The following CD80 variants were observed in gnomAD, a reference collection of about 807,000 sequenced individuals.
CD80 encodes CD80 molecule, also known as T-lymphocyte activation antigen CD80.
CD80 carries 13 observed loss-of-function variants against 27.1 expected under a neutral mutation model. The observed-to-expected ratio is 0.48, with a 90% CI of 0.31 to 0.76. CD80 has a LOEUF of 0.76. Ranked by LOEUF, CD80 falls within the 30% of genes least tolerant of loss-of-function variation. The probability of loss-of-function intolerance (pLI) is 0.04; values close to 1 mark genes in which losing one functional copy is unlikely to be tolerated. For missense variants in CD80, 277 were observed against 347.9 expected (o/e 0.80, Z 1.62); for synonymous variants, 125 against 125.5 (o/e 1.00, Z 0.03).
chr3:119,529,985 C>G, intron 4 of CD80, 48 bp from the exon 5 acceptor site: 1 of 1,316,954 alleles, frequency 7.6e-7, no homozygotes. Context: ...TTCCTACTGC[C>G]TGATACTCAT....
In CD80 at chr3:119,527,860, C is replaced by G. The variant is rs772805829; in HGVS notation, c.797-19G>C. On this transcript the variant is annotated intron_variant, in intron 5 of 6. Coordinates refer to ENST00000264246, the MANE Select transcript of CD80 (RefSeq NM_005191.4). ...GCAAAGCCTTGGAGACAAGAACAAA[C>G]AATAAAAATGATAAGTAAGTTTCCC... The G allele has an allele frequency of 1.2e-6, 2 of 1,603,776 alleles. No homozygotes were observed. Among genetic ancestry groups the G allele is most frequent in the East Asian group, 4.5e-5 (2 of 44,818 alleles).
intron 2 of CD80, among the ~76,000 whole-genome samples, chr3:119,555,872 C>A (rs751209713): frequency 6.6e-6 from 1 of 152,206 alleles, no homozygotes; most frequent in Admixed American, 6.5e-5. Flanking sequence ...CCTGTGCCAG[C>A]CTCATCCTTA....
chr3:119,527,602 A>G (rs2082074066), intron 6 of CD80, 131 bp downstream of exon 6: 1 of 548,230 alleles, frequency 1.8e-6, no homozygotes, highest in Middle Eastern at 3.5e-4. Context: ...CCATCTTGTA[A>G]CTGTTCAGCT....
At position 119,544,612 on chromosome 3, in the gene CD80, A is replaced by G. The variant is rs1396249600; in HGVS notation, c.356T>C (p.Leu119Pro). The G allele has an allele frequency of 6.2e-7, 1 of 1,614,204 alleles. No individual in the cohort carries two copies. The highest frequency in any genetic ancestry group is 1.1e-5 in the South Asian group (1 of 91,090). The change falls in exon 3 of 7, where the codon CTG becomes CCG. Residue 119 changes from leucine to proline, a missense_variant. Physicochemically the swap from Leu to Pro is moderately conservative, Grantham distance 98. Transcript: ENST00000264246. ...SDEGTYECVV[L>P]KYEKDAFKRE... is the part of the protein sequence containing the mutation. Reference sequence around the variant, plus strand: ...CTTGAAAGCGTCTTTTTCATACTTCAGAACAACACACTCGTATGTGCCCTC... The same window carrying G: ...CTTGAAAGCGTCTTTTTCATACTTCGGAACAACACACTCGTATGTGCCCTC...
chr3:119,538,193 A>G (rs1027964165), intron 3 of CD80, among the ~76,000 whole-genome samples: 6 of 152,232 alleles, frequency 3.9e-5, no homozygotes, highest in African/African-American at 1.2e-4. Flanking sequence ...TAAGTAATCA[A>G]ACTGAGGTTT....
At chr3:119,525,893 A>ATATATGTATATATAATTTAATTATATATG (rs2082063379) in intron 6 of CD80, 144 bp from the exon 7 acceptor site, 3 of 61,566 alleles carry the variant, frequency 4.9e-5, no homozygotes, top group African/African-American at 2.2e-4. Flanking sequence ...TTATATATGT[A>ATATATGTATATATAATTTAATTATATATG]TATATATATA....
intron 6 of CD80, 24 bp downstream of exon 6, chr3:119,527,709 C>G: frequency 7.2e-7 from 1 of 1,380,468 alleles, no homozygotes; most frequent in South Asian, 1.2e-5. Flanking sequence ...ATCCATGTAT[C>G]CCAGAAGAGA....
At chr3:119,551,614 G>T (rs187198170) in intron 2 of CD80, among the ~76,000 whole-genome samples, 1 of 152,274 alleles carries the variant, frequency 6.6e-6, no homozygotes, top group African/African-American at 2.4e-5. Flanking sequence ...AGAACAGTAA[G>T]AAATAAATCT....
chr3:119,537,252 A>G lies in CD80; in HGVS notation c.585T>C (p.Thr195=). The G allele has an allele frequency of 1.2e-6, 2 of 1,614,116 alleles. No homozygotes were observed. The highest frequency in any genetic ancestry group is 1.7e-6 in the Non-Finnish European group (2 of 1,179,988). ...INTTVSQDPE[T]ELYAVSSKLD... ...GTTTGCTGCTAACAGCATAGAGCTCAGTTTCAGGATCTTGGGAAACTGTTG... is the reference window on the plus strand; with the variant it reads ...GTTTGCTGCTAACAGCATAGAGCTCGGTTTCAGGATCTTGGGAAACTGTTG... Residue 195 remains threonine, a synonymous_variant, in exon 4 of 7, where the codon ACT becomes ACC. Coordinates refer to ENST00000264246, the MANE Select transcript of CD80 (RefSeq NM_005191.4).
chr3:119,526,329 G>A (rs919766412), intron 6 of CD80, among the ~76,000 whole-genome samples: 3 of 152,124 alleles, frequency 2.0e-5, no homozygotes, highest in Non-Finnish European at 2.9e-5. Flanking sequence ...TTGGGTACAC[G>A]GCTTCATTTT....
At position 119,536,181 on chromosome 3, in the gene CD80, G is replaced by A. The variant is rs990833990; in HGVS notation, c.700+956C>T. On this transcript the variant is annotated intron_variant, in intron 4 of 6. Transcript: ENST00000264246. ...CAGAAGAATTGCTTGAACCTGGAAG[G>A]TGGAGGTTGCAGTGAGCTGAGATTG... Among the ~76,000 whole-genome samples the A allele has an allele frequency of 8.5e-5, 13 of 152,058 alleles. 1 individual carries two copies. In the East Asian group the frequency reaches 9.7e-4, roughly 11 times the overall value.
rs2082061313 is a variant in CD80 at position 119,525,731 on chromosome 3, T to C, written c.*57A>G. 2 of 152,274 alleles carry C rather than the reference T, an allele frequency of 1.3e-5. No homozygotes were observed. The highest frequency in any genetic ancestry group is 6.6e-5 in the Admixed American group (1 of 15,242). The allele number at this position is 152,274 out of a possible 1,614,324, so 9.4% of individuals were successfully genotyped here. Reference sequence around the variant, plus strand: ...TGAGGAAGTTCCCAGAAGAGGTCAATTGCAAATGGAGGTGGGACCTGAGAA... The same window carrying C: ...TGAGGAAGTTCCCAGAAGAGGTCAACTGCAAATGGAGGTGGGACCTGAGAA... On this transcript the variant is annotated 3_prime_UTR_variant, in exon 7 of 7. Coordinates refer to ENST00000264246, the MANE Select transcript of CD80 (RefSeq NM_005191.4).
chr3:119,529,780 C>G, intron 5 of CD80, 62 bp downstream of exon 5: 1 of 1,156,926 alleles, frequency 8.6e-7, no homozygotes, highest in Non-Finnish European at 1.3e-6. Context: ...AGATGCCGAA[C>G]CATGGTAATA....
chr3:119,543,397 C>CTTT (rs35045571), intron 3 of CD80, among the ~76,000 whole-genome samples: 2 of 143,778 alleles, frequency 1.4e-5, no homozygotes, highest in African/African-American at 2.5e-5. Context: ...AATTCTCTAA[C>CTTT]TTTTTTTTTT....
chr3:119,545,698 A>C (rs2082198809), intron 2 of CD80, among the ~76,000 whole-genome samples: 1 of 152,076 alleles, frequency 6.6e-6, no homozygotes, highest in Non-Finnish European at 1.5e-5. Flanking sequence ...TGGAATGGTA[A>C]TGATATGATC....
At chr3:119,535,326 C>A (rs1338984305) in intron 4 of CD80, among the ~76,000 whole-genome samples, 1 of 152,088 alleles carries the variant, frequency 6.6e-6, no homozygotes, top group Non-Finnish European at 1.5e-5. Flanking sequence ...TTAAGACATG[C>A]CATATAGTAT....
chr3:119,549,286 T>C (rs569093804), intron 2 of CD80, among the ~76,000 whole-genome samples: 1 of 152,346 alleles, frequency 6.6e-6, no homozygotes, highest in South Asian at 2.1e-4. Flanking sequence ...TGTTCATTTC[T>C]CCATCCACAT....
intron 4 of CD80, among the ~76,000 whole-genome samples, chr3:119,535,936 T>C (rs1043421953): frequency 8.5e-5 from 13 of 152,210 alleles, no homozygotes; most frequent in African/African-American, 3.1e-4. Flanking sequence ...TTTTAGTATA[T>C]ATAAATTTTA....
At chr3:119,539,421 T>TA (rs541394834) in intron 3 of CD80, among the ~76,000 whole-genome samples, 11,134 of 144,076 alleles carry the variant, frequency 0.077, 1,311 homozygotes, top group African/African-American at 0.26. Context: ...TGGTTGAAAT[T>TA]AAAAAAAAAA....
Sources: gnomAD v4.1 joint callset for allele counts (sites outside exome capture counted in the v4.1 genomes callset) on GRCh38, gnomAD v4.1.1 for gene constraint, MANE v1.5 for transcripts, NCBI Gene and HGNC (gene_info 2026-07-23, HGNC 2026-07-21) for gene names.